Variants in PACRG observed in about 807,000 individuals in gnomAD.
PACRG encodes the protein parkin coregulated gene protein.
PACRG carries 29 observed loss-of-function variants against 29.7 expected under a neutral mutation model. The observed-to-expected ratio is 0.98, with a 90% confidence interval of 0.73 to 1.33. The LOEUF (loss-of-function observed/expected upper bound fraction) is 1.33, where lower values mean the gene tolerates loss of function less well. Ranked by LOEUF, PACRG falls within the 40% of genes most tolerant of loss-of-function variation. The pLI, the probability that PACRG is intolerant of heterozygous loss-of-function variation, is 0.00. For synonymous variants in PACRG, 116 were observed against 118.7 expected, an observed-to-expected ratio of 0.98 and a Z score of 0.15; for missense variants, 279 against 316.2, an observed-to-expected ratio of 0.88 and a Z score of 0.89.
At chr6:163,063,727 C>T (rs983368641) in intron 3 of PACRG, among the ~76,000 whole-genome samples, 1 of 152,000 alleles carries the variant, frequency 6.6e-6, no homozygotes, top group African/African-American at 2.4e-5. Context: ...GACAGTGAAA[C>T]CAAACCAAAG....
chr6:162,814,082 C>A (rs566366340), intron 1 of PACRG, 65 bp from the exon 2 acceptor site: 2 of 1,473,618 alleles, frequency 1.4e-6, no homozygotes, highest in South Asian at 1.4e-5. Flanking sequence ...ACAGAAAGTT[C>A]TTTTATTATG....
intron 3 of PACRG, among the ~76,000 whole-genome samples, chr6:163,068,213 G>T (rs1328266998): frequency 1.3e-5 from 2 of 152,024 alleles, no homozygotes; most frequent in African/African-American, 4.8e-5. Context: ...GTAATTTCCG[G>T]GAAGCATATG....
chr6:163,073,692 G>A (rs960022171), intron 3 of PACRG, among the ~76,000 whole-genome samples: 5 of 152,034 alleles, frequency 3.3e-5, no homozygotes, highest in Admixed American at 3.3e-4. Flanking sequence ...ATCTGACAAG[G>A]GATTAACAGC....
intron 4 of PACRG, among the ~76,000 whole-genome samples, chr6:163,196,758 A>G (rs1317290702): frequency 6.6e-6 from 1 of 152,198 alleles, no homozygotes; most frequent in Non-Finnish European, 1.5e-5. Context: ...AGACAGAGCT[A>G]AAGAAAGACT....
At chr6:163,066,914 T>G (rs2128273010) in intron 3 of PACRG, among the ~76,000 whole-genome samples, 1 of 152,352 alleles carries the variant, frequency 6.6e-6, no homozygotes, top group South Asian at 2.1e-4. Context: ...CAATTTATAA[T>G]GATTAAAATA....
At chr6:162,826,092 C>T (rs1442537078) in intron 2 of PACRG, among the ~76,000 whole-genome samples, 4 of 152,100 alleles carry the variant, frequency 2.6e-5, no homozygotes, top group Non-Finnish European at 5.9e-5. Context: ...AATCTTTCCT[C>T]AATGTCAGAC....
intron 4 of PACRG, among the ~76,000 whole-genome samples, chr6:163,239,827 TAC>T (rs146535162): frequency 1.1e-5 from 1 of 88,484 alleles, no homozygotes; most frequent in Non-Finnish European, 2.2e-5. Context: ...CCCCTACTTC[TAC>T]ACACACTCAC....
At chr6:162,937,670 G>A (rs1798330124) in intron 2 of PACRG, among the ~76,000 whole-genome samples, 1 of 152,142 alleles carries the variant, frequency 6.6e-6, no homozygotes, top group African/African-American at 2.4e-5. Flanking sequence ...AAATTAGCCA[G>A]AGCCCTTGTA....
At chr6:162,958,870 TATATATATATATATAGAGAGAGAGAG>T (rs1230254859) in intron 2 of PACRG, among the ~76,000 whole-genome samples, 913 of 69,152 alleles carry the variant, frequency 0.013, 2 homozygotes, top group Non-Finnish European at 0.018. Context: ...TATATATATA[TATATATATATATATAGAGAGAGAGAG>T]AGAGAGAGAG....
intron 2 of PACRG, among the ~76,000 whole-genome samples, chr6:162,942,413 A>G (rs915130477): frequency 2.7e-5 from 4 of 150,132 alleles, no homozygotes; most frequent in Non-Finnish European, 5.9e-5. Context: ...TTTTCATTCT[A>G]TTTTTTTTTC....
chr6:162,781,666 G>A (rs986017526), intron 1 of PACRG, among the ~76,000 whole-genome samples: 7 of 151,568 alleles, frequency 4.6e-5, no homozygotes, highest in South Asian at 2.1e-4. Flanking sequence ...TTTTATATGT[G>A]TGTGTGAGGT....
chr6:163,195,682 G>T (rs2128364062), intron 4 of PACRG, among the ~76,000 whole-genome samples: 1 of 152,248 alleles, frequency 6.6e-6, no homozygotes, highest in East Asian at 1.9e-4. Context: ...GAGGCCGCCC[G>T]ACCCCCCTCT....
chr6:163,245,480 G>A (rs181801109), intron 4 of PACRG, among the ~76,000 whole-genome samples: 1 of 152,306 alleles, frequency 6.6e-6, no homozygotes, highest in East Asian at 1.9e-4. Context: ...TCCGTGACAG[G>A]TTTGGAGAGC....
chr6:163,281,621 G>C (rs952715305), intron 4 of PACRG, among the ~76,000 whole-genome samples: 11 of 151,994 alleles, frequency 7.2e-5, no homozygotes, highest in Admixed American at 5.2e-4. Context: ...TCTATAGCAA[G>C]ATCTCTAGTA....
intron 2 of PACRG, among the ~76,000 whole-genome samples, chr6:162,923,174 T>C (rs190355165): frequency 1.2e-4 from 19 of 152,278 alleles, no homozygotes; most frequent in Admixed American, 9.2e-4. Context: ...TGTATGCCTT[T>C]TTCTTCAGGA....
intron 3 of PACRG, among the ~76,000 whole-genome samples, chr6:163,078,522 G>A (rs62427599): frequency 0.11 from 17,423 of 151,782 alleles, 1,163 homozygotes; most frequent in Admixed American, 0.14. Flanking sequence ...GGGGGGCAAT[G>A]ATGATAATGA....
At chr6:162,997,002 G>A (rs4235945) in intron 2 of PACRG, among the ~76,000 whole-genome samples, 151,952 of 152,300 alleles carry the variant, frequency 1, 75,804 homozygotes, top group Middle Eastern at 1. Context: ...GATTTTATAA[G>A]ATAAACTAAA....
chr6:162,815,017 A>C (rs1787213345), intron 2 of PACRG, among the ~76,000 whole-genome samples: 1 of 152,206 alleles, frequency 6.6e-6, no homozygotes, highest in Admixed American at 6.5e-5. Flanking sequence ...TCTGAGAAAA[A>C]TAAATGCTGG....
intron 4 of PACRG, among the ~76,000 whole-genome samples, chr6:163,235,400 G>A (rs981597057): frequency 6.6e-6 from 1 of 152,180 alleles, no homozygotes. Flanking sequence ...CTTCCATGAA[G>A]CTTGCCACTA....
Sources: gnomAD v4.1 joint callset for allele counts (sites outside exome capture counted in the v4.1 genomes callset) on GRCh38, gnomAD v4.1.1 for gene constraint, MANE v1.5 for transcripts, NCBI Gene and HGNC (gene_info 2026-07-23, HGNC 2026-07-21) for gene names.